The following ADAMTSL1 variants were observed in gnomAD, a reference collection of about 807,000 sequenced individuals.
ADAMTSL1 encodes ADAMTS-like protein 1.
Under a neutral mutation model 201.8 loss-of-function variants are expected in ADAMTSL1, and 126 were observed. That is an observed-to-expected ratio of 0.62 (90% CI 0.54 to 0.72). The LOEUF (loss-of-function observed/expected upper bound fraction) is 0.72, where lower values mean the gene tolerates loss of function less well. Among genes scored for constraint, ADAMTSL1 ranks in the 30% least tolerant of loss-of-function variants. ADAMTSL1 has a pLI of 0.00. For missense variants in ADAMTSL1, 2,679 were observed against 2,277.8 expected (o/e 1.18, Z -3.59); for synonymous variants, 1,121 against 903.4 (o/e 1.24, Z -4.32).
At position 18,889,622 on chromosome 9, in the gene ADAMTSL1, G is replaced by A. The variant is rs779901012; in HGVS notation, c.4517G>A (p.Arg1506Gln). The A allele has an allele frequency of 9.9e-6, 16 of 1,612,530 alleles. No homozygotes were observed. In the East Asian group the frequency reaches 1.1e-4, roughly 11 times the overall value. Residue 1506 changes from arginine to glutamine, a missense_variant, in exon 25 of 29, where the codon CGG becomes CAG. By Grantham distance (43) the Arg-to-Gln change is conservative. Coordinates refer to ENST00000380548, the MANE Select transcript of ADAMTSL1 (RefSeq NM_001040272.6). ...ACCTGCTCAGCCTCCTGTGGTAACC[G>A]GGGGGTTCAGCAGCCCCGCTTGAGG... is the stretch of plus-strand genomic sequence containing the variant. ...LATCSASCGN[R>Q]GVQQPRLRCL...
intron 2 of ADAMTSL1, among the ~76,000 whole-genome samples, chr9:18,236,101 C>T (rs1336935230): frequency 6.6e-6 from 1 of 152,146 alleles, no homozygotes; most frequent in Non-Finnish European, 1.5e-5. Context: ...AGTACCCTCA[C>T]CCAAAATCTA....
At chr9:17,971,478 G>A (rs1818203491) in intron 1 of ADAMTSL1, among the ~76,000 whole-genome samples, 1 of 152,006 alleles carries the variant, frequency 6.6e-6, no homozygotes, top group South Asian at 2.1e-4. Context: ...CTAATTAGAA[G>A]TCTTACAATT....
At chr9:18,368,981 A>G (rs1836913725) in intron 2 of ADAMTSL1, among the ~76,000 whole-genome samples, 1 of 152,218 alleles carries the variant, frequency 6.6e-6, no homozygotes, top group South Asian at 2.1e-4. Context: ...TATACCCAGA[A>G]TGAGGATTCC....
chr9:18,411,194 ATTTT>A (rs1378773207), intron 2 of ADAMTSL1, among the ~76,000 whole-genome samples: 3 of 137,748 alleles, frequency 2.2e-5, no homozygotes, highest in African/African-American at 9.0e-5. Context: ...TTATTTATTT[ATTTT>A]TATTTATTTA....
intron 1 of ADAMTSL1, among the ~76,000 whole-genome samples, chr9:18,075,043 C>G (rs529156231): frequency 2.0e-5 from 3 of 151,948 alleles, no homozygotes; most frequent in African/African-American, 7.2e-5. Flanking sequence ...TCCCTCTTGC[C>G]CTCCCTCACT....
chr9:18,330,868 G>A (rs892616463), intron 2 of ADAMTSL1, among the ~76,000 whole-genome samples: 1 of 152,156 alleles, frequency 6.6e-6, no homozygotes, highest in African/African-American at 2.4e-5. Context: ...GTTATTTACT[G>A]AGCACCAGTT....
At chr9:18,373,069 C>T (rs1837120182) in intron 2 of ADAMTSL1, among the ~76,000 whole-genome samples, 1 of 152,108 alleles carries the variant, frequency 6.6e-6, no homozygotes, top group Non-Finnish European at 1.5e-5. Flanking sequence ...TTTGGAACTT[C>T]CTGCTATAAT....
chr9:18,083,035 A>G (rs558526903), intron 1 of ADAMTSL1, among the ~76,000 whole-genome samples: 2 of 152,218 alleles, frequency 1.3e-5, no homozygotes, highest in Non-Finnish European at 2.9e-5. Context: ...GGATTGAATA[A>G]GTGGAAAAAT....
intron 2 of ADAMTSL1, among the ~76,000 whole-genome samples, chr9:18,404,976 G>A (rs766274767): frequency 6.6e-6 from 1 of 151,984 alleles, no homozygotes; most frequent in Non-Finnish European, 1.5e-5. Flanking sequence ...CTGCCATTGA[G>A]TCTGGCCAAC....
intron 2 of ADAMTSL1, among the ~76,000 whole-genome samples, chr9:18,240,028 T>C (rs1831001701): frequency 6.6e-6 from 1 of 152,172 alleles, no homozygotes; most frequent in Admixed American, 6.5e-5. Flanking sequence ...ACTACTATTG[T>C]TGATATTTTG....
At position 18,516,157 on chromosome 9, in the gene ADAMTSL1, C is replaced by T. The variant is rs182169653; in HGVS notation, c.191+11201C>T. Among the ~76,000 whole-genome samples, 143 of 151,142 alleles carry T rather than the reference C, an allele frequency of 9.5e-4. 1 individual carries two copies. Among genetic ancestry groups the T allele is most frequent in the Admixed American group, 8.6e-3 (131 of 15,154 alleles). On this transcript the variant is annotated intron_variant, in intron 2 of 28. Coordinates refer to ENST00000380548, the MANE Select transcript of ADAMTSL1 (RefSeq NM_001040272.6). Reference sequence around the variant, plus strand: ...TTGCATAATTTATTGAATTATTCTTCGGTTTGGGCCCAATTTGTAGAAAAT... The same window carrying T: ...TTGCATAATTTATTGAATTATTCTTTGGTTTGGGCCCAATTTGTAGAAAAT...
At chr9:17,949,466 AAAGGAAAGATGCCCT>A (rs546797372) in intron 1 of ADAMTSL1, among the ~76,000 whole-genome samples, 101 of 152,312 alleles carry the variant, frequency 6.6e-4, no homozygotes, top group African/African-American at 2.3e-3. Context: ...TTCAGAGTTC[AAAGGAAAGATGCCCT>A]AAGGCCCTAA....
At chr9:17,994,121 T>TG (rs3085375) in intron 1 of ADAMTSL1, among the ~76,000 whole-genome samples, 1 of 151,858 alleles carries the variant, frequency 6.6e-6, no homozygotes, top group Non-Finnish European at 1.5e-5. Flanking sequence ...TGTGTGTGTG[T>TG]TTCTATATAG....
At chr9:17,940,219 A>G (rs887005414) in intron 1 of ADAMTSL1, among the ~76,000 whole-genome samples, 5 of 152,114 alleles carry the variant, frequency 3.3e-5, no homozygotes, top group African/African-American at 1.2e-4. Context: ...ATGAAATGAT[A>G]TAATTTGTTT....
At chr9:18,279,522 G>T (rs544692617) in intron 2 of ADAMTSL1, among the ~76,000 whole-genome samples, 1 of 151,250 alleles carries the variant, frequency 6.6e-6, no homozygotes, top group Non-Finnish European at 1.5e-5. Flanking sequence ...GAAAAAGCAG[G>T]CACTTCTTCT....
At chr9:18,080,438 T>A (rs972431657) in intron 1 of ADAMTSL1, among the ~76,000 whole-genome samples, 3 of 152,184 alleles carry the variant, frequency 2.0e-5, no homozygotes, top group Non-Finnish European at 4.4e-5. Flanking sequence ...TGTGATTCTA[T>A]CTCCTTTTCT....
intron 1 of ADAMTSL1, among the ~76,000 whole-genome samples, chr9:18,066,539 T>A (rs905743212): frequency 6.6e-6 from 1 of 152,254 alleles, no homozygotes; most frequent in Admixed American, 6.5e-5. Flanking sequence ...TGACTAGCTC[T>A]TTACTAAAAT....
chr9:18,829,908 C>G lies in ADAMTSL1; in HGVS notation c.4180C>G (p.Leu1394Val), dbSNP rs1244395855. The G allele has an allele frequency of 6.8e-6, 11 of 1,613,944 alleles. No individual in the cohort carries two copies. The highest frequency in any genetic ancestry group is 9.3e-6 in the Non-Finnish European group (11 of 1,179,880). ...CTTGCTCGCTGCCACTGGACCGAAC[C>G]TTCCTTCAGTGCTGACGTCTCCTCT... ...RALLAATGPNLPSVLTSPLGT... is the reference protein window; with the variant it reads ...RALLAATGPNVPSVLTSPLGT... The change falls in exon 23 of 29, where the codon CTT (leucine) becomes GTT (valine). Residue 1394 changes from leucine to valine, a missense_variant. By Grantham distance (32) the Leu-to-Val change is conservative. Coordinates refer to ENST00000380548, the MANE Select transcript of ADAMTSL1 (RefSeq NM_001040272.6).
At chr9:18,370,691 CTT>C (rs34963506) in intron 2 of ADAMTSL1, among the ~76,000 whole-genome samples, 20 of 123,360 alleles carry the variant, frequency 1.6e-4, no homozygotes, top group South Asian at 2.7e-4. Context: ...TGTAGAGCGT[CTT>C]TTTTTTTTTT....
Sources: allele counts gnomAD v4.1 joint callset (sites outside exome capture counted in the v4.1 genomes callset), GRCh38; gene constraint gnomAD v4.1.1; transcripts MANE v1.5; gene names NCBI Gene and HGNC (gene_info 2026-07-23, HGNC 2026-07-21).